CPPED1: variants seen among roughly 807,000 people sequenced by gnomAD.
CPPED1 encodes serine/threonine-protein phosphatase CPPED1.
In CPPED1, 28 loss-of-function variants were observed where a neutral mutation model predicts 28.0. The ratio of observed to expected loss-of-function variants is 1.00; its 90% CI spans 0.74 to 1.37. The LOEUF (loss-of-function observed/expected upper bound fraction) is 1.37, where lower values mean the gene tolerates loss of function less well. Among genes scored for constraint, CPPED1 ranks in the 40% most tolerant of loss-of-function variants. CPPED1 has a pLI of 0.00. For synonymous variants in CPPED1, 198 were observed against 180.2 expected, an observed-to-expected ratio of 1.10 and a Z score of -0.79; for missense variants, 504 against 416.5, an observed-to-expected ratio of 1.21 and a Z score of -1.83.
At chr16:12,799,243 G>GTTTTT (rs200948126) in intron 1 of CPPED1, among the ~76,000 whole-genome samples, 2 of 135,216 alleles carry the variant, frequency 1.5e-5, no homozygotes, top group Admixed American at 7.5e-5. Flanking sequence ...GGAAAAGTCA[G>GTTTTT]TTTTTTTTTT....
At chr16:12,799,316 G>C (rs1168238121) in intron 1 of CPPED1, among the ~76,000 whole-genome samples, 1 of 151,010 alleles carries the variant, frequency 6.6e-6, no homozygotes, top group Non-Finnish European at 1.5e-5. Context: ...GGCAATCTTG[G>C]CTTACTGCAA....
intron 1 of CPPED1, among the ~76,000 whole-genome samples, chr16:12,802,444 A>G (rs1355199478): frequency 6.6e-6 from 1 of 152,130 alleles, no homozygotes; most frequent in East Asian, 1.9e-4. Flanking sequence ...TCTACTAAAA[A>G]TACAAAATTA....
intron 3 of CPPED1, among the ~76,000 whole-genome samples, chr16:12,666,535 G>C (rs1348585004): frequency 1.3e-5 from 2 of 152,176 alleles, no homozygotes; most frequent in East Asian, 3.8e-4. Flanking sequence ...TTTTTTTAAA[G>C]ACCTGATTTG....
At chr16:12,785,426 CTTTT>C (rs796796663) in intron 1 of CPPED1, among the ~76,000 whole-genome samples, 3 of 124,708 alleles carry the variant, frequency 2.4e-5, no homozygotes, top group Non-Finnish European at 3.4e-5. Flanking sequence ...AACGTGAATT[CTTTT>C]TTTTTTTTTT....
At chr16:12,728,600 A>G (rs2080181444) in intron 2 of CPPED1, among the ~76,000 whole-genome samples, 1 of 152,180 alleles carries the variant, frequency 6.6e-6, no homozygotes, top group Non-Finnish European at 1.5e-5. Flanking sequence ...CTCTTACCAC[A>G]TGGCAGGCAC....
At chr16:12,715,100 G>C (rs1463750371) in intron 2 of CPPED1, among the ~76,000 whole-genome samples, 1 of 152,006 alleles carries the variant, frequency 6.6e-6, no homozygotes, top group African/African-American at 2.4e-5. Context: ...AAAATCCATT[G>C]ACCCTAAATG....
At chr16:12,687,208 T>C (rs909550014) in intron 3 of CPPED1, among the ~76,000 whole-genome samples, 3 of 152,156 alleles carry the variant, frequency 2.0e-5, no homozygotes, top group Non-Finnish European at 2.9e-5. Context: ...TATTTTTTCA[T>C]GTTTTGAGAA....
chr16:12,677,547 C>T (rs1382854884), intron 3 of CPPED1, among the ~76,000 whole-genome samples: 1 of 152,192 alleles, frequency 6.6e-6, no homozygotes, highest in Admixed American at 6.5e-5. Context: ...GAGGCTGAGG[C>T]ACGAGAATCA....
intron 3 of CPPED1, among the ~76,000 whole-genome samples, chr16:12,688,110 G>A (rs1444127499): frequency 1.4e-5 from 2 of 146,316 alleles, no homozygotes; most frequent in Non-Finnish European, 2.9e-5. Flanking sequence ...GTTTACTGCA[G>A]CCTCGACCAC....
At chr16:12,762,054 G>C (rs1030182581) in intron 2 of CPPED1, among the ~76,000 whole-genome samples, 2 of 151,476 alleles carry the variant, frequency 1.3e-5, no homozygotes, top group Non-Finnish European at 2.9e-5. Context: ...CCATAGGAAA[G>C]GTAAATTTTT....
At chr16:12,802,594 C>G (rs1401421301) in intron 1 of CPPED1, among the ~76,000 whole-genome samples, 1 of 152,190 alleles carries the variant, frequency 6.6e-6, no homozygotes, top group Non-Finnish European at 1.5e-5. Context: ...AAGCAAGACT[C>G]CGCCTTAAAT....
intron 1 of CPPED1, among the ~76,000 whole-genome samples, chr16:12,793,766 G>C (rs887039870): frequency 6.6e-6 from 1 of 151,998 alleles, no homozygotes; most frequent in Non-Finnish European, 1.5e-5. Context: ...GCACATGGTG[G>C]GGCTGAGAAA....
chr16:12,756,651 G>A (rs2080370999), intron 2 of CPPED1, among the ~76,000 whole-genome samples: 2 of 151,882 alleles, frequency 1.3e-5, no homozygotes, highest in African/African-American at 2.4e-5. Flanking sequence ...AGGTTGCAGT[G>A]AGCCGAGATA....
At chr16:12,781,983 GA>G (rs2080534508) in intron 1 of CPPED1, among the ~76,000 whole-genome samples, 2 of 151,692 alleles carry the variant, frequency 1.3e-5, no homozygotes, top group Non-Finnish European at 1.5e-5. Context: ...AAAAAAAAAA[GA>G]AAAAAGAAAA....
chr16:12,771,211 T>C (rs1444013155), intron 2 of CPPED1, among the ~76,000 whole-genome samples: 2 of 152,232 alleles, frequency 1.3e-5, no homozygotes, highest in African/African-American at 4.8e-5. Flanking sequence ...CACAGATTTC[T>C]GTCTGTTTCA....
intron 2 of CPPED1, among the ~76,000 whole-genome samples, chr16:12,736,796 G>C (rs1042178973): frequency 6.6e-6 from 1 of 152,204 alleles, no homozygotes; most frequent in Non-Finnish European, 1.5e-5. Flanking sequence ...GATCAGTGCA[G>C]CTAATAGGTA....
chr16:12,751,369 C>CAA (rs2080327574), intron 2 of CPPED1, among the ~76,000 whole-genome samples: 1 of 139,420 alleles, frequency 7.2e-6, no homozygotes, highest in Non-Finnish European at 1.5e-5. Context: ...TTTTAGTGAT[C>CAA]AGGATAGAAG....
chr16:12,728,728 G>A (rs560280030), intron 2 of CPPED1, among the ~76,000 whole-genome samples: 1 of 152,306 alleles, frequency 6.6e-6, no homozygotes, highest in East Asian at 1.9e-4. Flanking sequence ...ATTTTAATGA[G>A]TACAACGACA....
chr16:12,726,825 T>TA (rs1250861989), intron 2 of CPPED1, among the ~76,000 whole-genome samples: 1 of 151,754 alleles, frequency 6.6e-6, no homozygotes, highest in Non-Finnish European at 1.5e-5. Context: ...AATAAATAAA[T>TA]AAATAAAATA....
Sources: gnomAD v4.1 joint callset for allele counts (sites outside exome capture counted in the v4.1 genomes callset) on GRCh38, gnomAD v4.1.1 for gene constraint, MANE v1.5 for transcripts, NCBI Gene and HGNC (gene_info 2026-07-23, HGNC 2026-07-21) for gene names.